SIAE: variants seen among roughly 807,000 people sequenced by gnomAD.
The protein encoded by SIAE is sialate O-acetylesterase.
Under a neutral mutation model 52.6 loss-of-function variants are expected in SIAE, and 39 were observed. That is an observed-to-expected ratio of 0.74 (90% CI 0.57 to 0.97). The LOEUF (loss-of-function observed/expected upper bound fraction) is 0.97. Ranked by LOEUF, SIAE falls within the 50% of genes least tolerant of loss-of-function variation. The pLI is 0.00. For synonymous variants in SIAE, 233 were observed against 241.4 expected (o/e 0.97, Z 0.32); for missense variants, 592 against 662.1 (o/e 0.89, Z 1.16).
intron 2 of SIAE, 46 bp from the exon 3 acceptor site, chr11:124,660,849 T>C (rs1170320955): frequency 6.2e-7 from 1 of 1,602,718 alleles, no homozygotes; most frequent in Admixed American, 1.7e-5. Context: ...TCAATTAAAG[T>C]GAAATCAAAG....
intron 3 of SIAE, among the ~76,000 whole-genome samples, chr11:124,656,530 G>A (rs968690828): frequency 3.9e-5 from 6 of 152,074 alleles, no homozygotes; most frequent in Admixed American, 3.3e-4. Context: ...TGAGAGGAGT[G>A]GCTTAGGGTT....
rs972318039 is a variant in SIAE at position 124,635,809 on chromosome 11, TTTTA to T, written c.*1138_*1141del. The T allele has an allele frequency of 6.6e-5, 10 of 152,216 alleles. No homozygotes were observed. Among genetic ancestry groups the T allele is most frequent in the African/African-American group, 2.4e-4 (10 of 41,458 alleles). 9.4% of individuals were successfully genotyped at this position (152,216 alleles called of 1,614,324 possible). ...ACATACACATCACTAGTGATTATGCTTTTATTTATTTCCAACTTCTTATAGGTAA... is the reference window on the plus strand; with the variant it reads ...ACATACACATCACTAGTGATTATGCTTTTATTTCCAACTTCTTATAGGTAA... On this transcript the variant is annotated 3_prime_UTR_variant, in exon 10 of 10. Coordinates refer to ENST00000263593, the MANE Select transcript of SIAE (RefSeq NM_170601.5).
At chr11:124,639,653 A>C in intron 8 of SIAE, 57 bp downstream of exon 8, 1 of 1,610,458 alleles carries the variant, frequency 6.2e-7, no homozygotes, top group Non-Finnish European at 8.5e-7. Flanking sequence ...TGAACATCAG[A>C]GTGAAAGACT....
chr11:124,672,436 C>T (rs1231376446), intron 1 of SIAE, among the ~76,000 whole-genome samples: 1 of 152,064 alleles, frequency 6.6e-6, no homozygotes, highest in African/African-American at 2.4e-5. Flanking sequence ...TAATTTTGTA[C>T]ATCTCAAGCA....
rs566778747 is a variant in SIAE, at chr11:124,645,516, G to A, written c.966+1849C>T. ...GGGCTTCTCCATGTTGGTCAGGCTG[G>A]TCTCGAACTCCCGACCTCAGGTGAT... On this transcript the variant is annotated intron_variant, in intron 7 of 9. Transcript: ENST00000263593. This position sits in a 1 kb window ranked among gnomAD's most constrained non-coding sequence, Gnocchi z 4.7. 7.2e-5 allele frequency among the ~76,000 whole-genome samples: 11 copies of A among 152,010 alleles called. No homozygotes were observed. The highest frequency in any genetic ancestry group is 1.5e-4 in the Non-Finnish European group (10 of 68,006).
At chr11:124,644,351 G>GAAAAAAAAAAAAAAAAA (rs766691334) in intron 7 of SIAE, among the ~76,000 whole-genome samples, 31 of 98,970 alleles carry the variant, frequency 3.1e-4, no homozygotes, top group Admixed American at 1.0e-3. Flanking sequence ...AGTCTGTGGT[G>GAAAAAAAAAAAAAAAAA]AGAAAAAAAA....
rs558878217 is a variant in SIAE at position 124,660,511 on chromosome 11, C to T, written c.405+117G>A. On this transcript the variant is annotated intron_variant, in intron 3 of 9. Transcript: ENST00000263593. ...TCAAAGCATTTAGAACATATCTTGG[C>T]TCATGGTACTCACTAAATAGAAACA... 3 of 963,196 alleles carry T rather than the reference C, an allele frequency of 3.1e-6. No individual in the cohort carries two copies. The Admixed American group carries it at 5.3e-5, about 17-fold the overall frequency. The allele number at this position is 963,196 out of a possible 1,614,324, so 59.7% of individuals were successfully genotyped here. A position where few individuals can be genotyped will look rare whatever the true frequency, so the allele number is the denominator to read the frequency against.
rs542785736 is a variant in SIAE at position 124,651,745 on chromosome 11, C to T, written c.545-1949G>A. Among the ~76,000 whole-genome samples the T allele has an allele frequency of 3.3e-5, 5 of 152,376 alleles. No individual in the cohort carries two copies. In the East Asian group the frequency reaches 9.6e-4, roughly 29 times the overall value. ...CACGACACTCTGTGCATCGCTCCAT[C>T]ACTAGACCTTGCAATAACCATCTGT... On this transcript the variant is annotated intron_variant, in intron 4 of 9. Transcript: ENST00000263593.
intron 2 of SIAE, among the ~76,000 whole-genome samples, chr11:124,664,035 C>T (rs1051653197): frequency 6.6e-6 from 1 of 152,174 alleles, no homozygotes; most frequent in Non-Finnish European, 1.5e-5. Flanking sequence ...TGCTTCCTCG[C>T]ATTTTTTCTC....
Position 124,639,760 on chromosome 11 carries a change from A to C in SIAE, c.1074T>G (p.Thr358=), listed in dbSNP as rs751621034. 2 of 1,614,228 alleles carry C rather than the reference A, an allele frequency of 1.2e-6. No individual in the cohort carries two copies. Among genetic ancestry groups the C allele is most frequent in the East Asian group, 4.5e-5 (2 of 44,886 alleles). Residue 358 remains threonine, a synonymous_variant, in exon 8 of 10, where the codon ACT becomes ACG. Coordinates refer to ENST00000263593, the MANE Select transcript of SIAE (RefSeq NM_170601.5). The part of the protein sequence containing the change: ...GYVPNPKMPN[T]FMAVAMDLCD... ...AGAGATCCATAGCTACAGCCATGAAAGTATTGGGCATCTTTGGGTTGGGGA... is the reference window on the plus strand; with the variant it reads ...AGAGATCCATAGCTACAGCCATGAACGTATTGGGCATCTTTGGGTTGGGGA...
chr11:124,658,487 GA>G (rs1175894056), intron 3 of SIAE, among the ~76,000 whole-genome samples: 1 of 152,058 alleles, frequency 6.6e-6, no homozygotes, highest in African/African-American at 2.4e-5. Flanking sequence ...CTGAGATATT[GA>G]AAAATGGGTT....
At chr11:124,654,557 T>A in intron 4 of SIAE, 98 bp downstream of exon 4, 2 of 1,609,150 alleles carry the variant, frequency 1.2e-6, no homozygotes, top group Non-Finnish European at 1.7e-6. Flanking sequence ...GCATGAGTAA[T>A]AATAAATAGA....
intron 7 of SIAE, 103 bp from the exon 8 acceptor site, chr11:124,639,970 C>T: frequency 7.5e-7 from 1 of 1,325,694 alleles, no homozygotes; most frequent in Non-Finnish European, 1.1e-6. Flanking sequence ...CATTTAAATG[C>T]TCATTCAACA....
rs201332360 is a variant in SIAE at position 124,639,755 on chromosome 11, A to T, written c.1079T>A (p.Met360Lys). 1.3e-4 allele frequency: 205 copies of T among 1,614,112 alleles called. No homozygotes were observed. Among genetic ancestry groups the T allele is most frequent in the Non-Finnish European group, 1.7e-4 (197 of 1,180,032 alleles). The change falls in exon 8 of 10, where the codon ATG becomes AAG. Residue 360 changes from methionine to lysine, a missense_variant. By Grantham distance (95) the Met-to-Lys change is moderately conservative (BLOSUM62 -1). Coordinates refer to ENST00000263593, the MANE Select transcript of SIAE (RefSeq NM_170601.5). ...VPNPKMPNTF[M>K]AVAMDLCDRD... The stretch of plus-strand genomic sequence containing the variant: ...ATCACAGAGATCCATAGCTACAGCC[A>T]TGAAAGTATTGGGCATCTTTGGGTT...
rs184163129 is a variant in SIAE, at chr11:124,645,490, G to A, written c.966+1875C>T. Reference sequence around the variant, plus strand: ...CTAATTTTGTATTTTTAGTAGAGACGGGGCTTCTCCATGTTGGTCAGGCTG... The same window carrying A: ...CTAATTTTGTATTTTTAGTAGAGACAGGGCTTCTCCATGTTGGTCAGGCTG... On this transcript the variant is annotated intron_variant, in intron 7 of 9. Coordinates refer to ENST00000263593, the MANE Select transcript of SIAE (RefSeq NM_170601.5). The surrounding 1 kb of genome is among the most constrained non-coding windows in gnomAD (Gnocchi z 4.7). Among the ~76,000 whole-genome samples, 718 of 152,040 alleles carry A rather than the reference G, an allele frequency of 4.7e-3. 4 individuals are homozygous for A. Among genetic ancestry groups the A allele is most frequent in the Non-Finnish European group, 7.4e-3 (501 of 67,976 alleles).
intron 5 of SIAE, among the ~76,000 whole-genome samples, chr11:124,648,916 C>T (rs1591387651): frequency 6.6e-6 from 1 of 152,172 alleles, no homozygotes; most frequent in East Asian, 1.9e-4. Flanking sequence ...CAAGCCCATC[C>T]TCCTCCCACA....
intron 3 of SIAE, among the ~76,000 whole-genome samples, chr11:124,656,898 G>A (rs1943109496): frequency 6.6e-6 from 1 of 152,094 alleles, no homozygotes; most frequent in African/African-American, 2.4e-5. Context: ...ATTGGCCGCT[G>A]GTCACAGAGT....
upstream of SIAE, chr11:124,674,368 A>AG (rs1204629509): frequency 6.6e-6 from 1 of 152,376 alleles, no homozygotes; most frequent in East Asian, 1.9e-4. Flanking sequence ...AGAAAAAAAA[A>AG]GCGATGAAAC....
Position 124,634,523 on chromosome 11 carries a change from A to G in SIAE, c.*2428T>C, listed in dbSNP as rs1942679950. 1.3e-5 allele frequency: 2 copies of G among 152,168 alleles called. No individual in the cohort carries two copies. The highest frequency in any genetic ancestry group is 2.1e-4 in the South Asian group (1 of 4,826). 9.4% of individuals were successfully genotyped at this position (152,168 alleles called of 1,614,324 possible). A position where few individuals can be genotyped will look rare whatever the true frequency, so the allele number is the denominator to read the frequency against. The stretch of plus-strand genomic sequence containing the variant: ...ATCCTTTGGGAGGGTTAAGCTGTAG[A>G]TATCTAAATTTTAAATATATATTTA... On this transcript the variant is annotated 3_prime_UTR_variant, in exon 10 of 10. Coordinates refer to ENST00000263593, the MANE Select transcript of SIAE (RefSeq NM_170601.5).
Sources: allele counts gnomAD v4.1 joint callset (sites outside exome capture counted in the v4.1 genomes callset), GRCh38; gene constraint gnomAD v4.1.1; non-coding constraint Gnocchi (gnomAD v3.1); transcripts MANE v1.5; gene names NCBI Gene and HGNC (gene_info 2026-07-23, HGNC 2026-07-21).